The following KIAA2012 variants were observed in gnomAD, a reference collection of about 807,000 sequenced individuals.
KIAA2012 encodes the protein uncharacterized protein KIAA2012.
In KIAA2012, 125 loss-of-function variants were observed where a neutral mutation model predicts 150.6. The ratio of observed to expected loss-of-function variants is 0.83; its 90% CI spans 0.72 to 0.96. KIAA2012 has a LOEUF of 0.96. Among genes scored for constraint, KIAA2012 ranks in the 40% least tolerant of loss-of-function variants. KIAA2012 has a pLI of 0.00. For missense variants in KIAA2012, 1,219 were observed against 1,354.9 expected (o/e 0.90, Z 1.57); for synonymous variants, 462 against 504.7 (o/e 0.92, Z 1.13).
At chr2:202,127,127 A>G (rs1690812618) in intron 12 of KIAA2012, among the ~76,000 whole-genome samples, 1 of 152,158 alleles carries the variant, frequency 6.6e-6, no homozygotes, top group Non-Finnish European at 1.5e-5. Context: ...AAAAAAAGTA[A>G]CAGTTTGGGA....
intron 5 of KIAA2012, among the ~76,000 whole-genome samples, chr2:202,098,376 A>G (rs900462271): frequency 6.6e-6 from 1 of 152,136 alleles, no homozygotes; most frequent in African/African-American, 2.4e-5. Flanking sequence ...ATAAATAAAT[A>G]AGGGTTTCAT....
chr2:202,150,450 T>G (rs1314611846), intron 13 of KIAA2012, among the ~76,000 whole-genome samples: 3 of 137,808 alleles, frequency 2.2e-5, no homozygotes, highest in East Asian at 2.6e-4. Context: ...TGTTTTTTGT[T>G]TTTTGTGTTT....
intron 15 of KIAA2012, among the ~76,000 whole-genome samples, chr2:202,168,431 A>AAAAG (rs960319918): frequency 6.6e-6 from 1 of 150,626 alleles, no homozygotes; most frequent in Non-Finnish European, 1.5e-5. Flanking sequence ...AAAAAAAAAA[A>AAAAG]AAAGAAAGAA....
At chr2:202,094,937 A>G (rs1411458947) in intron 4 of KIAA2012, among the ~76,000 whole-genome samples, 2 of 152,226 alleles carry the variant, frequency 1.3e-5, no homozygotes, top group African/African-American at 4.8e-5. Context: ...AAGAGGCTGT[A>G]TCAAATAGTG....
intron 2 of KIAA2012, among the ~76,000 whole-genome samples, chr2:202,086,047 A>G (rs1158663794): frequency 6.6e-6 from 1 of 151,884 alleles, no homozygotes; most frequent in East Asian, 1.9e-4. Context: ...GGGTATCTGT[A>G]ATCCCAGCTA....
At chr2:202,086,032 G>A (rs1467918283) in intron 2 of KIAA2012, among the ~76,000 whole-genome samples, 1 of 152,024 alleles carries the variant, frequency 6.6e-6, no homozygotes, top group Non-Finnish European at 1.5e-5. Context: ...GCCAGATGTA[G>A]TGTTGGGTAT....
chr2:202,171,188 TATACAC>T (rs1691881243), intron 15 of KIAA2012, among the ~76,000 whole-genome samples: 1 of 113,266 alleles, frequency 8.8e-6, no homozygotes, highest in South Asian at 3.5e-4. Context: ...CACAGACACA[TATACAC>T]AGACACACAT....
chr2:202,129,973 T>C (rs1690894278), intron 12 of KIAA2012, among the ~76,000 whole-genome samples: 1 of 152,216 alleles, frequency 6.6e-6, no homozygotes, highest in Non-Finnish European at 1.5e-5. Flanking sequence ...TCTCATATTG[T>C]GGTCTATAAT....
intron 8 of KIAA2012, among the ~76,000 whole-genome samples, chr2:202,103,489 A>C (rs1690105521): frequency 6.6e-6 from 1 of 152,184 alleles, no homozygotes; most frequent in Non-Finnish European, 1.5e-5. Context: ...GGAAAAAAAA[A>C]AACCTGGGTA....
intron 7 of KIAA2012, 118 bp downstream of exon 7, chr2:202,100,567 C>T: frequency 4.2e-6 from 5 of 1,191,798 alleles, no homozygotes; most frequent in Non-Finnish European, 5.7e-6. Flanking sequence ...GAGAACTGGC[C>T]TCTCTAGCGT....
chr2:202,165,047 C>A (rs778242088), intron 14 of KIAA2012, among the ~76,000 whole-genome samples: 1 of 151,984 alleles, frequency 6.6e-6, no homozygotes, highest in Non-Finnish European at 1.5e-5. Context: ...CTCAGCCTCC[C>A]AAATAGCTGA....
intron 15 of KIAA2012, among the ~76,000 whole-genome samples, chr2:202,181,405 G>A (rs971554531): frequency 6.6e-6 from 1 of 152,100 alleles, no homozygotes; most frequent in African/African-American, 2.4e-5. Flanking sequence ...ACAAGACCCT[G>A]TCTCTACAAA....
intron 1 of KIAA2012, among the ~76,000 whole-genome samples, chr2:202,074,251 C>T (rs903496952): frequency 2.6e-5 from 4 of 151,944 alleles, no homozygotes; most frequent in Admixed American, 1.3e-4. Flanking sequence ...GGATAAGAAA[C>T]CTATTGGGGA....
intron 12 of KIAA2012, chr2:202,137,468 C>T (rs1401163479): frequency 6.6e-6 from 1 of 152,038 alleles, no homozygotes; most frequent in Non-Finnish European, 1.5e-5. Context: ...AGGCGCGCAC[C>T]ACCACGCCCG....
chr2:202,132,743 A>ATT (rs1188073064), intron 12 of KIAA2012, among the ~76,000 whole-genome samples: 1 of 111,622 alleles, frequency 9.0e-6, no homozygotes, highest in African/African-American at 3.5e-5. Context: ...ATATGTATAT[A>ATT]TATAGTATAT....
chr2:202,129,180 T>G lies in KIAA2012; in HGVS notation c.1831+3898T>G, dbSNP rs375361493. ...CCTGGAACTGAGTTCAAAGACCAATTTAAAACATCTATTCGTTGGAACACC... is the reference window on the plus strand; with the variant it reads ...CCTGGAACTGAGTTCAAAGACCAATGTAAAACATCTATTCGTTGGAACACC... On this transcript the variant is annotated intron_variant, in intron 12 of 23. Transcript: ENST00000498697. Among the ~76,000 whole-genome samples, 3 of 151,978 alleles carry G rather than the reference T, an allele frequency of 2.0e-5. No individual in the cohort carries two copies. The East Asian group carries it at 5.8e-4, about 29-fold the overall frequency.
chr2:202,083,194 A>G (rs1175034374), intron 2 of KIAA2012, among the ~76,000 whole-genome samples: 1 of 152,258 alleles, frequency 6.6e-6, no homozygotes, highest in Non-Finnish European at 1.5e-5. Flanking sequence ...ATCCAGGAAC[A>G]TATGCTCACC....
At chr2:202,190,799 A>G (rs10445793) in intron 19 of KIAA2012, among the ~76,000 whole-genome samples, 20,264 of 152,114 alleles carry the variant, frequency 0.13, 1,691 homozygotes, top group South Asian at 0.26. Context: ...GAGGTGCAGG[A>G]CTCATGGTTA....
intron 2 of KIAA2012, among the ~76,000 whole-genome samples, chr2:202,080,522 C>T (rs1217753250): frequency 2.0e-5 from 3 of 151,820 alleles, no homozygotes; most frequent in African/African-American, 4.8e-5. Context: ...GGAGAAACCC[C>T]GTCTCTACTA....
Sources: gnomAD v4.1 joint callset for allele counts (sites outside exome capture counted in the v4.1 genomes callset) on GRCh38, gnomAD v4.1.1 for gene constraint, MANE v1.5 for transcripts, NCBI Gene and HGNC (gene_info 2026-07-23, HGNC 2026-07-21) for gene names.